The following OSBP2 variants were observed in gnomAD, a reference collection of about 807,000 sequenced individuals.
OSBP2 encodes oxysterol binding protein 2.
Under a neutral mutation model 96.0 loss-of-function variants are expected in OSBP2, and 66 were observed. That is an observed-to-expected ratio of 0.69 (90% CI 0.56 to 0.84). OSBP2 has a LOEUF of 0.84. Ranked by LOEUF, OSBP2 falls within the 40% of genes least tolerant of loss-of-function variation. The pLI, the probability that OSBP2 is intolerant of heterozygous loss-of-function variation, is 0.00. For missense variants in OSBP2, 1,038 were observed against 1,222.7 expected, an observed-to-expected ratio of 0.85 and a Z score of 2.25; for synonymous variants, 525 against 520.9, an observed-to-expected ratio of 1.01 and a Z score of -0.11.
chr22:30,722,802 TTTG>T (rs2089574349), intron 1 of OSBP2, among the ~76,000 whole-genome samples: 2 of 147,920 alleles, frequency 1.4e-5, no homozygotes, highest in Admixed American at 6.7e-5. Context: ...TTTTTTTTTT[TTTG>T]ACAGAGTCTC....
intron 1 of OSBP2, among the ~76,000 whole-genome samples, chr22:30,733,058 C>T (rs564572133): frequency 6.6e-6 from 1 of 152,174 alleles, no homozygotes; most frequent in Non-Finnish European, 1.5e-5. Flanking sequence ...AAAAGCACTT[C>T]CGTTTCATGA....
At chr22:30,745,666 CAA>C (rs71328868) in intron 2 of OSBP2, among the ~76,000 whole-genome samples, 1,272 of 58,584 alleles carry the variant, frequency 0.022, 9 homozygotes, top group African/African-American at 0.075. Flanking sequence ...GACTCTGTCT[CAA>C]AAAAAAAAAA....
At chr22:30,705,494 T>C (rs1263283400) in intron 1 of OSBP2, among the ~76,000 whole-genome samples, 2 of 152,108 alleles carry the variant, frequency 1.3e-5, no homozygotes, top group Non-Finnish European at 2.9e-5. Context: ...GGTTTCTCCA[T>C]GTTGGTCAGG....
At chr22:30,710,801 G>A (rs1334844728) in intron 1 of OSBP2, among the ~76,000 whole-genome samples, 1 of 151,956 alleles carries the variant, frequency 6.6e-6, no homozygotes, top group Non-Finnish European at 1.5e-5. Context: ...AGTAGAGATG[G>A]GGTTTCACCA....
intron 2 of OSBP2, among the ~76,000 whole-genome samples, chr22:30,821,512 G>A (rs1602312437): frequency 6.6e-6 from 1 of 152,128 alleles, no homozygotes; most frequent in East Asian, 1.9e-4. Context: ...TTTCTGACCC[G>A]AATGATGTCA....
intron 2 of OSBP2, among the ~76,000 whole-genome samples, chr22:30,869,046 C>T (rs1457781113): frequency 6.6e-6 from 1 of 152,200 alleles, no homozygotes; most frequent in East Asian, 1.9e-4. Context: ...TCTTGGTGTC[C>T]TGTGCCATTG....
intron 2 of OSBP2, among the ~76,000 whole-genome samples, chr22:30,865,441 A>G (rs2039315272): frequency 6.6e-6 from 1 of 152,086 alleles, no homozygotes; most frequent in Non-Finnish European, 1.5e-5. Flanking sequence ...CCTGGCCAAC[A>G]TAGTGAAACC....
chr22:30,851,968 C>T (rs1353127101), intron 2 of OSBP2, among the ~76,000 whole-genome samples: 1 of 152,062 alleles, frequency 6.6e-6, no homozygotes, highest in Non-Finnish European at 1.5e-5. Flanking sequence ...TTTCTTGATA[C>T]CATTAATATG....
In OSBP2 at chr22:30,878,088, C is replaced by T. The variant is rs563923286; in HGVS notation, c.1107+7406C>T. 7.2e-5 allele frequency among the ~76,000 whole-genome samples: 11 copies of T among 152,328 alleles called. No homozygotes were observed. The East Asian group carries it at 1.2e-3, about 16-fold the overall frequency. ...CACAGGTGCCAGGCACCCTGGAGTG[C>T]GCACTGGGAGCCACAGGAGGGGAGG... On this transcript the variant is annotated intron_variant, in intron 3 of 13. Transcript: ENST00000332585.
intron 3 of OSBP2, among the ~76,000 whole-genome samples, chr22:30,877,184 GA>G (rs1445979289): frequency 6.6e-6 from 1 of 152,138 alleles, no homozygotes. Context: ...AGAATATTGT[GA>G]AAAATCACAG....
intron 2 of OSBP2, among the ~76,000 whole-genome samples, chr22:30,796,935 A>G (rs2090773316): frequency 6.6e-6 from 1 of 152,210 alleles, no homozygotes; most frequent in Admixed American, 6.5e-5. Context: ...GCAATAATCC[A>G]CCTATCCATC....
chr22:30,866,281 G>T (rs1169303404), intron 2 of OSBP2, among the ~76,000 whole-genome samples: 1 of 152,206 alleles, frequency 6.6e-6, no homozygotes, highest in Non-Finnish European at 1.5e-5. Context: ...CCTCTTTGCT[G>T]GCTTTGAAGA....
At chr22:30,778,592 T>C (rs2090470554) in intron 2 of OSBP2, among the ~76,000 whole-genome samples, 1 of 152,088 alleles carries the variant, frequency 6.6e-6, no homozygotes, top group South Asian at 2.1e-4. Context: ...TAGGGAAAAT[T>C]CTATTGGGTA....
At chr22:30,717,299 G>A (rs2089478655) in intron 1 of OSBP2, among the ~76,000 whole-genome samples, 1 of 152,050 alleles carries the variant, frequency 6.6e-6, no homozygotes, top group South Asian at 2.1e-4. Context: ...TGTGAGATAA[G>A]GGTCTAACTT....
chr22:30,703,448 A>G (rs1033943515), intron 1 of OSBP2, among the ~76,000 whole-genome samples: 5 of 149,598 alleles, frequency 3.3e-5, no homozygotes, highest in South Asian at 4.2e-4. Context: ...TGTTGGGATT[A>G]TAGGCGTAAG....
At chr22:30,737,491 TA>T (rs1002917779) in intron 1 of OSBP2, among the ~76,000 whole-genome samples, 16 of 151,282 alleles carry the variant, frequency 1.1e-4, no homozygotes, top group East Asian at 7.8e-4. Context: ...CTTGGCTAAT[TA>T]AAAAAAATTT....
chr22:30,882,100 C>T (rs897953147), intron 3 of OSBP2, among the ~76,000 whole-genome samples: 1 of 152,200 alleles, frequency 6.6e-6, no homozygotes, highest in Admixed American at 6.5e-5. Context: ...TGAGGTCACT[C>T]ACGGCCAGTG....
intron 2 of OSBP2, among the ~76,000 whole-genome samples, chr22:30,810,654 GT>G (rs2145856460): frequency 6.6e-6 from 1 of 152,186 alleles, no homozygotes; most frequent in South Asian, 2.1e-4. Flanking sequence ...CCCACACCTG[GT>G]TGCAGCTGTG....
chr22:30,730,311 T>C (rs763022970), intron 1 of OSBP2, among the ~76,000 whole-genome samples: 3 of 152,250 alleles, frequency 2.0e-5, no homozygotes, highest in South Asian at 4.1e-4. Context: ...AAGTATAACA[T>C]ACATGCAGAA....
Sources: allele counts gnomAD v4.1 joint callset (sites outside exome capture counted in the v4.1 genomes callset), GRCh38; gene constraint gnomAD v4.1.1; transcripts MANE v1.5; gene names NCBI Gene and HGNC (gene_info 2026-07-23, HGNC 2026-07-21).